Variants in CHODL observed in about 807,000 individuals in gnomAD.
CHODL encodes the protein chondrolectin, also known as transmembrane protein MT75.
A neutral mutation model predicts 34.5 loss-of-function variants in CHODL; 29 were observed. That is an observed-to-expected ratio of 0.84 (90% CI 0.63 to 1.15). The LOEUF is 1.15. Among genes scored for constraint, CHODL ranks in the 50% most tolerant of loss-of-function variants. The pLI, the probability that CHODL is intolerant of heterozygous loss-of-function variation, is 0.00. For missense variants in CHODL, 332 were observed against 332.5 expected (o/e 1.00, Z 0.01); for synonymous variants, 125 against 116.1 (o/e 1.08, Z -0.49).
At chr21:18,066,392 T>A (rs1600958522) in intron 2 of CHODL, among the ~76,000 whole-genome samples, 1 of 143,144 alleles carries the variant, frequency 7.0e-6, no homozygotes, top group Admixed American at 6.7e-5. Context: ...TTAATTCATA[T>A]TTGAATATTT....
chr21:18,202,648 G>A (rs777374593), intron 2 of CHODL, among the ~76,000 whole-genome samples: 1 of 126,944 alleles, frequency 7.9e-6, no homozygotes, highest in Non-Finnish European at 1.8e-5. Context: ...TCCAGTCTGT[G>A]GTGTCTTGTT....
intron 1 of CHODL, among the ~76,000 whole-genome samples, chr21:18,009,056 A>G (rs536421948): frequency 7.9e-5 from 12 of 152,370 alleles, no homozygotes; most frequent in South Asian, 2.1e-4. Context: ...TTGGCAAACT[A>G]TATGGTACAT....
chr21:18,153,244 G>A (rs1223737578), intron 2 of CHODL, among the ~76,000 whole-genome samples: 1 of 152,154 alleles, frequency 6.6e-6, no homozygotes, highest in Admixed American at 6.5e-5. Flanking sequence ...CCTGTCTGGA[G>A]GCTCTGGGGA....
In CHODL at chr21:18,267,153, C is replaced by G. The variant is rs987312893; in HGVS notation, c.*1115C>G. 1 of 152,204 alleles carries G rather than the reference C, an allele frequency of 6.6e-6. No individual in the cohort carries two copies. Among genetic ancestry groups the G allele is most frequent in the Non-Finnish European group, 1.5e-5 (1 of 68,052 alleles). The allele number at this position is 152,204 out of a possible 1,614,324, so 9.4% of individuals were successfully genotyped here. A position where few individuals can be genotyped will look rare whatever the true frequency, so the allele number is the denominator to read the frequency against. On this transcript the variant is annotated 3_prime_UTR_variant, in exon 6 of 6. Coordinates refer to ENST00000299295, the MANE Select transcript of CHODL (RefSeq NM_024944.3). ...ACAGACATTTTAGGAAGGAAAGGAA[C>G]TACGAAATCGTGTGAAAATGGGTTG...
At position 18,223,949 on chromosome 21, in the gene CHODL, A is replaced by G. The variant is rs540269128; in HGVS notation, c.-44-32560A>G. 3.3e-5 allele frequency among the ~76,000 whole-genome samples: 5 copies of G among 152,358 alleles called. No individual in the cohort carries two copies. The East Asian group carries it at 9.6e-4, about 29-fold the overall frequency. On this transcript the variant is annotated intron_variant, in intron 2 of 6. Coordinates refer to the CHODL transcript ENST00000400127. ...CGATTATTACCAAGAGCCCAGTGTT[A>G]GCGATAGAGTAAGAGAATACTAGTT... is the stretch of plus-strand genomic sequence containing the variant.
intron 2 of CHODL, among the ~76,000 whole-genome samples, chr21:18,098,040 TC>T (rs2146539579): frequency 6.6e-6 from 1 of 152,124 alleles, no homozygotes; most frequent in East Asian, 1.9e-4. Flanking sequence ...CCCCTATGTC[TC>T]ACCACATACA....
chr21:18,224,639 C>A (rs924837191), intron 2 of CHODL, among the ~76,000 whole-genome samples: 2 of 152,056 alleles, frequency 1.3e-5, no homozygotes, highest in Admixed American at 1.3e-4. Context: ...GCTTATTCCT[C>A]TTGGGAATGG....
At chr21:17,930,745 T>A (rs1482108837) in intron 1 of CHODL, among the ~76,000 whole-genome samples, 1 of 152,180 alleles carries the variant, frequency 6.6e-6, no homozygotes, top group Non-Finnish European at 1.5e-5. Context: ...GAGGTTGAAC[T>A]AATCCAATCA....
intron 1 of CHODL, among the ~76,000 whole-genome samples, chr21:18,017,497 G>A (rs158056): frequency 0.029 from 4,467 of 152,292 alleles, 202 homozygotes; most frequent in African/African-American, 0.099. Context: ...TCAGGCTGAC[G>A]CTTCAGAGGG....
intron 1 of CHODL, among the ~76,000 whole-genome samples, chr21:17,934,090 A>T (rs1888096698): frequency 6.6e-6 from 1 of 151,828 alleles, no homozygotes; most frequent in Non-Finnish European, 1.5e-5. Flanking sequence ...CCAAAAGTTG[A>T]GAGAGAGAGT....
At chr21:17,932,704 T>G (rs1311398366) in intron 1 of CHODL, among the ~76,000 whole-genome samples, 1 of 152,142 alleles carries the variant, frequency 6.6e-6, no homozygotes, top group African/African-American at 2.4e-5. Flanking sequence ...AAAACTGCAA[T>G]GGAAAATCAA....
chr21:17,932,179 A>G (rs1029062210), intron 1 of CHODL, among the ~76,000 whole-genome samples: 4 of 152,112 alleles, frequency 2.6e-5, no homozygotes, highest in Non-Finnish European at 4.4e-5. Flanking sequence ...AAAGAATACA[A>G]GTGACCAACA....
chr21:18,012,614 G>A (rs962438621), intron 1 of CHODL, among the ~76,000 whole-genome samples: 4 of 152,132 alleles, frequency 2.6e-5, no homozygotes, highest in African/African-American at 4.8e-5. Flanking sequence ...AAGAAATATT[G>A]GAACGAAAAC....
At chr21:18,128,573 G>A (rs2072611208) in intron 2 of CHODL, among the ~76,000 whole-genome samples, 1 of 151,956 alleles carries the variant, frequency 6.6e-6, no homozygotes, top group African/African-American at 2.4e-5. Context: ...TTTTAGAAAG[G>A]ATTAAATGTT....
upstream of CHODL, among the ~76,000 whole-genome samples, chr21:18,240,250 A>T (rs1157855021): frequency 1.3e-5 from 2 of 151,958 alleles, no homozygotes; most frequent in African/African-American, 4.8e-5. Flanking sequence ...AAATTAGTGC[A>T]TATATGCAAA....
chr21:18,107,821 A>C (rs1221335801), intron 2 of CHODL, among the ~76,000 whole-genome samples: 1 of 152,200 alleles, frequency 6.6e-6, no homozygotes, highest in Non-Finnish European at 1.5e-5. Context: ...TTTTTTTAAA[A>C]AGTGAGAAGT....
chr21:18,216,481 C>T (rs1441857788), intron 2 of CHODL, among the ~76,000 whole-genome samples: 1 of 151,954 alleles, frequency 6.6e-6, no homozygotes, highest in Non-Finnish European at 1.5e-5. Context: ...CTACTCTCTA[C>T]TTCTAGGAGA....
intron 2 of CHODL, among the ~76,000 whole-genome samples, chr21:18,159,277 T>A (rs2073069312): frequency 1.3e-5 from 2 of 152,292 alleles, no homozygotes; most frequent in East Asian, 1.9e-4. Context: ...TAAGAAAACT[T>A]TCAAAGTATG....
At chr21:18,141,149 A>G (rs2072796857) in intron 2 of CHODL, among the ~76,000 whole-genome samples, 1 of 152,094 alleles carries the variant, frequency 6.6e-6, no homozygotes, top group South Asian at 2.1e-4. Flanking sequence ...AAAGTAATGG[A>G]GATAAACCCA....
Sources: allele counts gnomAD v4.1 joint callset (sites outside exome capture counted in the v4.1 genomes callset), GRCh38; gene constraint gnomAD v4.1.1; transcripts MANE v1.5; gene names NCBI Gene and HGNC (gene_info 2026-07-23, HGNC 2026-07-21).